The following SDK1 variants were observed in gnomAD, a reference collection of about 807,000 sequenced individuals.
SDK1 encodes the protein sidekick cell adhesion molecule 1.
Under a neutral mutation model 245.5 loss-of-function variants are expected in SDK1, and 157 were observed. The observed-to-expected ratio is 0.64, with a 90% CI of 0.56 to 0.73. The LOEUF (loss-of-function observed/expected upper bound fraction) is 0.73, where lower values mean the gene tolerates loss of function less well. Among genes scored for constraint, SDK1 ranks in the 30% least tolerant of loss-of-function variants. SDK1 has a pLI of 0.00. For missense variants in SDK1, 3,583 were observed against 3,002.3 expected (o/e 1.19, Z -4.52); for synonymous variants, 1,647 against 1,278.5 (o/e 1.29, Z -6.15).
intron 4 of SDK1, among the ~76,000 whole-genome samples, chr7:3,686,969 G>A (rs1784301189): frequency 6.6e-6 from 1 of 151,688 alleles, no homozygotes; most frequent in Non-Finnish European, 1.5e-5. Flanking sequence ...TGGTTGGGAT[G>A]GGAACTTCAA....
intron 4 of SDK1, among the ~76,000 whole-genome samples, chr7:3,701,473 G>T (rs1428911827): frequency 2.0e-5 from 3 of 152,162 alleles, no homozygotes; most frequent in African/African-American, 7.2e-5. Context: ...GGTAGCACGT[G>T]CCTGTAGTCC....
chr7:3,819,829 T>G (rs149588189), intron 4 of SDK1, among the ~76,000 whole-genome samples: 1 of 151,800 alleles, frequency 6.6e-6, no homozygotes, highest in East Asian at 1.9e-4. Context: ...AAATCAAGAG[T>G]TTTTGAAAAA....
intron 1 of SDK1, among the ~76,000 whole-genome samples, chr7:3,407,975 G>C (rs1004033494): frequency 6.6e-6 from 1 of 152,136 alleles, no homozygotes. Context: ...AGCAGAGAGA[G>C]AGAGAACCTA....
chr7:3,615,180 G>A (rs1362371942), intron 1 of SDK1, among the ~76,000 whole-genome samples: 2 of 151,626 alleles, frequency 1.3e-5, no homozygotes, highest in Non-Finnish European at 2.9e-5. Flanking sequence ...ACCATATGAA[G>A]TGGCATTTCT....
In SDK1 at chr7:3,622,735, T is replaced by A. The variant is rs191274766; in HGVS notation, c.458+3496T>A. ...AGGGAGTGACTCGTTATATGTGGAC[T>A]ATTAAAATAAGCTATGTGCTTCACT... On this transcript the variant is annotated intron_variant, in intron 2 of 44. Coordinates refer to ENST00000404826, the MANE Select transcript of SDK1 (RefSeq NM_152744.4). 2.4e-3 allele frequency among the ~76,000 whole-genome samples: 373 copies of A among 152,336 alleles called. 3 individuals carry two copies. The highest frequency in any genetic ancestry group is 0.018 in the South Asian group (85 of 4,822).
intron 14 of SDK1, among the ~76,000 whole-genome samples, chr7:4,004,036 C>G (rs919191367): frequency 2.6e-5 from 4 of 152,230 alleles, no homozygotes; most frequent in Non-Finnish European, 4.4e-5. Context: ...AGCCTTCACT[C>G]CATCCATTTC....
rs1449427475 is a variant in SDK1, at chr7:3,886,728, A to G, written c.848-64195A>G. Among the ~76,000 whole-genome samples the G allele has an allele frequency of 2.0e-5, 3 of 152,198 alleles. No individual in the cohort carries two copies. In the East Asian group the frequency reaches 5.8e-4, roughly 29 times the overall value. ...CTACAAATTCGACACCAGCCTGAGAAACAAAGCAAGGACCTGTCTCTACAA... is the reference window on the plus strand; with the variant it reads ...CTACAAATTCGACACCAGCCTGAGAGACAAAGCAAGGACCTGTCTCTACAA... On this transcript the variant is annotated intron_variant, in intron 5 of 44. Coordinates refer to ENST00000404826, the MANE Select transcript of SDK1 (RefSeq NM_152744.4).
intron 35 of SDK1, among the ~76,000 whole-genome samples, chr7:4,185,563 G>C (rs1285517981): frequency 2.0e-5 from 3 of 152,172 alleles, no homozygotes; most frequent in East Asian, 3.9e-4. Context: ...TGGGAGGACA[G>C]ACAGTCCTCC....
At chr7:3,869,078 A>G (rs1780893515) in intron 5 of SDK1, among the ~76,000 whole-genome samples, 1 of 152,028 alleles carries the variant, frequency 6.6e-6, no homozygotes, top group South Asian at 2.1e-4. Flanking sequence ...AAGCGTTGTC[A>G]ATTGAAGATT....
intron 1 of SDK1, among the ~76,000 whole-genome samples, chr7:3,416,923 A>G (rs961175235): frequency 5.3e-5 from 8 of 152,206 alleles, no homozygotes; most frequent in Non-Finnish European, 1.0e-4. Context: ...CTGTAATCCC[A>G]GCACTTTGGG....
intron 7 of SDK1, 54 bp from the exon 8 acceptor site, chr7:3,958,877 C>G: frequency 7.2e-7 from 1 of 1,386,578 alleles, no homozygotes; most frequent in Non-Finnish European, 1.0e-6. Flanking sequence ...GTTATATGGT[C>G]TCTGACATAT....
chr7:3,875,505 C>A (rs1436250871), intron 5 of SDK1, among the ~76,000 whole-genome samples: 2 of 152,226 alleles, frequency 1.3e-5, no homozygotes, highest in African/African-American at 2.4e-5. Context: ...TTTGCCTCTC[C>A]TATGCAATCG....
In SDK1 at chr7:4,244,146, A is replaced by G. The variant is rs558656222; in HGVS notation, c.6252-1530A>G. ...AAAACCAGAGGTCTCCATCCCCTCC[A>G]GCCTTCCCAGCAGAGTCTCCACCCA... On this transcript the variant is annotated intron_variant, in intron 43 of 44. Coordinates refer to ENST00000404826, the MANE Select transcript of SDK1 (RefSeq NM_152744.4). Among the ~76,000 whole-genome samples the G allele has an allele frequency of 2.6e-5, 4 of 152,288 alleles. No homozygotes were observed. The South Asian group carries it at 8.3e-4, about 32-fold the overall frequency.
At chr7:3,334,643 C>G (rs554200673) in intron 1 of SDK1, among the ~76,000 whole-genome samples, 3 of 152,178 alleles carry the variant, frequency 2.0e-5, no homozygotes, top group African/African-American at 7.2e-5. Flanking sequence ...CCAGGGCACT[C>G]TACTTTCCTG....
chr7:3,511,316 T>G (rs1052946741), intron 1 of SDK1, among the ~76,000 whole-genome samples: 7 of 152,236 alleles, frequency 4.6e-5, no homozygotes, highest in African/African-American at 1.7e-4. Flanking sequence ...TATCTACCTA[T>G]TTACGTGTGT....
chr7:3,531,243 A>G (rs1562543583), intron 1 of SDK1, among the ~76,000 whole-genome samples: 1 of 152,146 alleles, frequency 6.6e-6, no homozygotes, highest in Non-Finnish European at 1.5e-5. Context: ...CATCGAGCAT[A>G]TTTGGGGTTG....
At chr7:3,857,131 T>C (rs1361682820) in intron 5 of SDK1, among the ~76,000 whole-genome samples, 2 of 152,086 alleles carry the variant, frequency 1.3e-5, no homozygotes, top group African/African-American at 2.4e-5. Flanking sequence ...GGAAAACTTA[T>C]CTAAATAGAG....
intron 1 of SDK1, among the ~76,000 whole-genome samples, chr7:3,420,590 G>T (rs1223940285): frequency 6.6e-6 from 1 of 152,142 alleles, no homozygotes; most frequent in East Asian, 1.9e-4. Flanking sequence ...ACTTAATTTT[G>T]GGATTTACTT....
rs537865405 is a variant in SDK1, at chr7:3,863,001, C to A, written c.847+41418C>A. On this transcript the variant is annotated intron_variant, in intron 5 of 44. Transcript: ENST00000404826. ...GAGCTCAGGCGGTAATGCTCACTCA[C>A]CAGCAGCTCGCCTCCTGCTGTGCAT... Among the ~76,000 whole-genome samples the A allele has an allele frequency of 2.6e-5, 4 of 152,284 alleles. No individual in the cohort carries two copies. In the East Asian group the frequency reaches 7.7e-4, roughly 29 times the overall value.
Sources: allele counts gnomAD v4.1 joint callset (sites outside exome capture counted in the v4.1 genomes callset), GRCh38; gene constraint gnomAD v4.1.1; transcripts MANE v1.5; gene names NCBI Gene and HGNC (gene_info 2026-07-23, HGNC 2026-07-21).